The following SELP variants were observed in gnomAD, a reference collection of about 807,000 sequenced individuals.
SELP encodes the protein P-selectin.
Under a neutral mutation model 104.1 loss-of-function variants are expected in SELP, and 92 were observed. The ratio of observed to expected loss-of-function variants is 0.88; its 90% CI spans 0.75 to 1.05. The LOEUF (loss-of-function observed/expected upper bound fraction) is 1.05, where lower values mean the gene tolerates loss of function less well. SELP is among the 50% of genes least tolerant of loss of function. The pLI is 0.00. For synonymous variants in SELP, 397 were observed against 364.5 expected, an observed-to-expected ratio of 1.09 and a Z score of -1.01; for missense variants, 1,022 against 1,017.3, an observed-to-expected ratio of 1.00 and a Z score of -0.06.
At chr1:169,595,840 T>C (rs557465468) in intron 12 of SELP, 85 bp downstream of exon 12, 3 of 1,214,966 alleles carry the variant, frequency 2.5e-6, no homozygotes, top group East Asian at 2.3e-5. Context: ...TGTGGTTGGG[T>C]GAGACTTCAA....
intron 10 of SELP, among the ~76,000 whole-genome samples, chr1:169,600,078 G>T (rs1019988918): frequency 2.0e-5 from 3 of 151,862 alleles, no homozygotes; most frequent in East Asian, 1.9e-4. Context: ...ATCAAAGTTG[G>T]CACAAGAACC....
chr1:169,603,303 C>CTGTG lies in SELP; in HGVS notation c.1520-93_1520-92insCACA, dbSNP rs1456565599. On this transcript the variant is annotated intron_variant, in intron 9 of 16. Transcript: ENST00000263686. ...ACTCTCTCTCTCTTTCTCCCTCTCT[C>CTGTG]TCTCTGTGTGTGTGTGTGTGTGTGT... The CTGTG allele has an allele frequency of 1.7e-5, 12 of 694,700 alleles. No homozygotes were observed. The African/African-American group carries it at 2.8e-4, about 16-fold the overall frequency. The allele number at this position is 694,700 out of a possible 1,614,324, so 43.0% of individuals were successfully genotyped here. A position where few individuals can be genotyped will look rare whatever the true frequency, so the allele number is the denominator to read the frequency against.
chr1:169,590,757 T>TA (rs1170383051), intron 15 of SELP, among the ~76,000 whole-genome samples: 2 of 152,018 alleles, frequency 1.3e-5, no homozygotes, highest in South Asian at 2.1e-4. Context: ...ATTACAAAAA[T>TA]AAAAAAATAC....
intron 9 of SELP, among the ~76,000 whole-genome samples, chr1:169,605,290 C>A (rs911919460): frequency 1.3e-5 from 2 of 152,202 alleles, no homozygotes; most frequent in African/African-American, 4.8e-5. Flanking sequence ...GGCAAGGTCA[C>A]AGCCCCGCCC....
chr1:169,596,789 A>G lies in SELP; in HGVS notation c.1891+202T>C, dbSNP rs1661637706. Among the ~76,000 whole-genome samples, 3 of 152,272 alleles carry G rather than the reference A, an allele frequency of 2.0e-5. No homozygotes were observed. The South Asian group carries it at 6.2e-4, about 31-fold the overall frequency. ...AAGCCATGAAACAAAATTCCTGCTT[A>G]AGAATCAATATACCTTTTATTCACA... On this transcript the variant is annotated intron_variant, in intron 11 of 16. Transcript: ENST00000263686.
At chr1:169,614,132 C>T (rs1160922268) in intron 3 of SELP, among the ~76,000 whole-genome samples, 3 of 152,232 alleles carry the variant, frequency 2.0e-5, no homozygotes, top group Non-Finnish European at 4.4e-5. Context: ...AATCCTGGCT[C>T]TGCTGCCTAC....
At position 169,612,288 on chromosome 1, in the gene SELP, G is replaced by A. The variant is rs758656070; in HGVS notation, c.890C>T (p.Ala297Val). 6.2e-7 allele frequency: 1 copy of A among 1,614,142 alleles called. No homozygotes were observed. Among genetic ancestry groups the A allele is most frequent in the Non-Finnish European group, 8.5e-7 (1 of 1,180,024 alleles). Residue 297 changes from alanine to valine, a missense_variant, in exon 6 of 17, where the codon GCA (alanine) becomes GTA (valine). Physicochemically the swap from Ala to Val is moderately conservative, Grantham distance 64 (BLOSUM62 0). Transcript: ENST00000263686. ...SCSFSCEEGF[A>V]LVGPEVVQCT... ...TTGCACCACTTCCGGTCCAACTAAT[G>A]CAAATCCCTCTTCACAACTGAAGCT...
chr1:169,599,570 A>T (rs1661798881), intron 10 of SELP, among the ~76,000 whole-genome samples: 1 of 152,212 alleles, frequency 6.6e-6, no homozygotes, highest in Non-Finnish European at 1.5e-5. Flanking sequence ...AAATAGATTT[A>T]GTAAATTATC....
chr1:169,622,642 A>G (rs1180803912), intron 1 of SELP, among the ~76,000 whole-genome samples: 5 of 152,222 alleles, frequency 3.3e-5, no homozygotes, highest in Non-Finnish European at 5.9e-5. Flanking sequence ...TTAATTGTGT[A>G]CTGAAAGTAG....
At chr1:169,616,919 A>T in intron 3 of SELP, 109 bp downstream of exon 3, 1 of 1,218,580 alleles carries the variant, frequency 8.2e-7, no homozygotes, top group Non-Finnish European at 1.1e-6. Context: ...CCTTGATTTC[A>T]TGTCCTGCCT....
At chr1:169,617,610 T>C (rs1390572177) in intron 2 of SELP, among the ~76,000 whole-genome samples, 196 bp from the exon 3 acceptor site, 1 of 152,220 alleles carries the variant, frequency 6.6e-6, no homozygotes, top group Non-Finnish European at 1.5e-5. Flanking sequence ...GTGTGAATGA[T>C]GTCAGAATAG....
intron 1 of SELP, among the ~76,000 whole-genome samples, chr1:169,629,085 C>T (rs1663514331): frequency 6.6e-6 from 1 of 152,156 alleles, no homozygotes; most frequent in African/African-American, 2.4e-5. Context: ...GATTTCGGAC[C>T]CTGGGACTAT....
intron 7 of SELP, among the ~76,000 whole-genome samples, chr1:169,610,529 G>C (rs1662467716): frequency 6.6e-6 from 1 of 152,128 alleles, no homozygotes; most frequent in Admixed American, 6.5e-5. Flanking sequence ...GAGCACAATG[G>C]CTCACACCTA....
chr1:169,628,082 T>A (rs979583981), intron 1 of SELP, among the ~76,000 whole-genome samples: 1 of 152,088 alleles, frequency 6.6e-6, no homozygotes, highest in Admixed American at 6.6e-5. Flanking sequence ...GTTTAGTAAA[T>A]ATGGTGTTTC....
At chr1:169,606,265 C>T (rs1463093889) in intron 9 of SELP, among the ~76,000 whole-genome samples, 6 of 152,100 alleles carry the variant, frequency 3.9e-5, no homozygotes, top group South Asian at 2.1e-4. Flanking sequence ...TGCAGTGGGC[C>T]GAGATTGTGC....
At chr1:169,598,954 A>G (rs1021886168) in intron 10 of SELP, among the ~76,000 whole-genome samples, 3 of 152,208 alleles carry the variant, frequency 2.0e-5, no homozygotes, top group African/African-American at 7.2e-5. Context: ...GAGAACTACT[A>G]CAGCATTAAA....
intron 3 of SELP, among the ~76,000 whole-genome samples, chr1:169,615,307 G>A (rs3917709): frequency 0.058 from 8,847 of 152,192 alleles, 372 homozygotes; most frequent in East Asian, 0.2. Flanking sequence ...ACAATCAATG[G>A]TAGTGGCTGC....
chr1:169,591,506 ATG>A, intron 14 of SELP, 50 bp from the exon 15 acceptor site: 10 of 1,337,858 alleles, frequency 7.5e-6, no homozygotes, highest in African/African-American at 1.5e-5. Context: ...AAAAAACAAG[ATG>A]AAAGAGAGGG....
intron 1 of SELP, among the ~76,000 whole-genome samples, chr1:169,624,454 T>C (rs921868247): frequency 1.3e-5 from 2 of 152,150 alleles, no homozygotes; most frequent in African/African-American, 4.8e-5. Context: ...TTAATTTTAC[T>C]TTAATAAAGA....
Sources: allele counts gnomAD v4.1 joint callset (sites outside exome capture counted in the v4.1 genomes callset), GRCh38; gene constraint gnomAD v4.1.1; transcripts MANE v1.5; gene names NCBI Gene and HGNC (gene_info 2026-07-23, HGNC 2026-07-21).